Variants in L3MBTL4 observed in about 807,000 individuals in gnomAD.
L3MBTL4 encodes the protein lethal(3)malignant brain tumor-like protein 4.
L3MBTL4 carries 70 observed loss-of-function variants against 84.5 expected under a neutral mutation model. The observed-to-expected ratio is 0.83, with a 90% CI of 0.68 to 1.01. L3MBTL4 has a LOEUF of 1.01. L3MBTL4 is among the 50% of genes least tolerant of loss of function. The pLI, the probability that L3MBTL4 is intolerant of heterozygous loss-of-function variation, is 0.00. For missense variants in L3MBTL4, 715 were observed against 754.8 expected (o/e 0.95, Z 0.62); for synonymous variants, 274 against 259.8 (o/e 1.05, Z -0.52).
chr18:6,156,174 A>T lies in L3MBTL4; in HGVS notation c.1096+15654T>A, dbSNP rs368212319. ...TTTAACACTAAATACTAGTGCATGA[A>T]GTAGCCAAAATAGCCAGACATTGAC... is the stretch of plus-strand genomic sequence containing the variant. On this transcript the variant is annotated intron_variant, in intron 13 of 18. Transcript: ENST00000317931. 1.2e-3 allele frequency among the ~76,000 whole-genome samples: 188 copies of T among 152,318 alleles called. No homozygotes were observed. The South Asian group carries it at 0.013, about 10-fold the overall frequency.
At chr18:6,249,158 T>C (rs573383383) in intron 5 of L3MBTL4, among the ~76,000 whole-genome samples, 4 of 152,322 alleles carry the variant, frequency 2.6e-5, no homozygotes, top group Admixed American at 1.3e-4. Context: ...TTGAAATTTC[T>C]CGGTTAACTT....
At chr18:6,265,070 A>C (rs2048572815) in intron 4 of L3MBTL4, among the ~76,000 whole-genome samples, 2 of 152,260 alleles carry the variant, frequency 1.3e-5, no homozygotes, top group Non-Finnish European at 2.9e-5. Context: ...TAGGAAAAAG[A>C]AGCAGTTAAG....
chr18:6,073,529 A>G (rs2057758113), intron 16 of L3MBTL4, among the ~76,000 whole-genome samples: 1 of 152,184 alleles, frequency 6.6e-6, no homozygotes, highest in Non-Finnish European at 1.5e-5. Context: ...GATAATGGAG[A>G]AAGAGGGAAT....
chr18:6,039,152 A>C (rs1598519678), intron 16 of L3MBTL4, among the ~76,000 whole-genome samples: 1 of 151,768 alleles, frequency 6.6e-6, no homozygotes, highest in Non-Finnish European at 1.5e-5. Context: ...AATCAAACCT[A>C]CCCTCCCCAA....
chr18:6,372,023 A>G (rs181849626), intron 1 of L3MBTL4, among the ~76,000 whole-genome samples: 1 of 152,286 alleles, frequency 6.6e-6, no homozygotes, highest in African/African-American at 2.4e-5. Flanking sequence ...GCCCCTACAC[A>G]TCTTGTCAGG....
chr18:6,194,917 G>A (rs773201550), intron 12 of L3MBTL4, among the ~76,000 whole-genome samples: 3 of 152,228 alleles, frequency 2.0e-5, no homozygotes. Flanking sequence ...GGAGGAGTCT[G>A]CTCAAAACAG....
chr18:6,134,703 G>A (rs1169678704), intron 14 of L3MBTL4, among the ~76,000 whole-genome samples: 2 of 152,214 alleles, frequency 1.3e-5, no homozygotes, highest in Non-Finnish European at 2.9e-5. Flanking sequence ...TGCAACAGGT[G>A]GGTTCCTATG....
chr18:6,176,283 C>CTGAT (rs1221699909), intron 12 of L3MBTL4, among the ~76,000 whole-genome samples: 1 of 152,128 alleles, frequency 6.6e-6, no homozygotes, highest in African/African-American at 2.4e-5. Flanking sequence ...AGTTGGAGAA[C>CTGAT]TGATACTATC....
intron 13 of L3MBTL4, 111 bp downstream of exon 13, chr18:6,171,717 G>A (rs948137592): frequency 5.1e-5 from 29 of 571,992 alleles, no homozygotes; most frequent in Admixed American, 3.4e-4. Context: ...TGATTAATTC[G>A]CCTATGTGAT....
At chr18:6,292,664 G>A (rs1029441900) in intron 4 of L3MBTL4, among the ~76,000 whole-genome samples, 14 of 152,174 alleles carry the variant, frequency 9.2e-5, no homozygotes, top group African/African-American at 3.4e-4. Flanking sequence ...AACAGGTTTT[G>A]ATCAAAAGGG....
At chr18:6,397,779 C>T (rs1467368513) in intron 1 of L3MBTL4, 2 of 152,234 alleles carry the variant, frequency 1.3e-5, no homozygotes, top group Non-Finnish European at 2.9e-5. Context: ...ACGCTTGAGC[C>T]CAGGAAGTCA....
At chr18:6,078,433 A>C (rs1285106047) in intron 16 of L3MBTL4, among the ~76,000 whole-genome samples, 3 of 148,678 alleles carry the variant, frequency 2.0e-5, no homozygotes, top group East Asian at 2.0e-4. Flanking sequence ...CCTCAAAAAA[A>C]AAAAACAAAA....
chr18:5,978,982 A>G (rs1444783359), intron 16 of L3MBTL4, among the ~76,000 whole-genome samples: 1 of 152,128 alleles, frequency 6.6e-6, no homozygotes, highest in Non-Finnish European at 1.5e-5. Context: ...GGCAGACACC[A>G]TATTCTATTT....
Position 6,377,393 on chromosome 18 carries a change from T to C in L3MBTL4, c.-91+37408A>G, listed in dbSNP as rs553504289. Among the ~76,000 whole-genome samples, 7 of 152,308 alleles carry C rather than the reference T, an allele frequency of 4.6e-5. No individual in the cohort carries two copies. In the South Asian group the frequency reaches 1.4e-3, roughly 32 times the overall value. On this transcript the variant is annotated intron_variant, in intron 1 of 18. Coordinates refer to ENST00000317931, the MANE Select transcript of L3MBTL4 (RefSeq NM_001330559.2). Reference sequence around the variant, plus strand: ...AAAGTGCAGTTTTATTACATAGGTATACACGTGCCATGGTGGTTTGCTGCA... The same window carrying C: ...AAAGTGCAGTTTTATTACATAGGTACACACGTGCCATGGTGGTTTGCTGCA...
intron 17 of L3MBTL4, among the ~76,000 whole-genome samples, chr18:5,961,069 G>A (rs2095261055): frequency 2.0e-5 from 3 of 152,214 alleles, no homozygotes; most frequent in African/African-American, 7.2e-5. Flanking sequence ...ATGTAATCTT[G>A]GGAGGTGATA....
intron 1 of L3MBTL4, among the ~76,000 whole-genome samples, chr18:6,358,910 A>G (rs2053560481): frequency 6.6e-6 from 1 of 152,192 alleles, no homozygotes; most frequent in Non-Finnish European, 1.5e-5. Context: ...CTATTTCTGC[A>G]TTGTTCCATA....
At chr18:6,129,488 G>A (rs1286253009) in intron 14 of L3MBTL4, among the ~76,000 whole-genome samples, 1 of 151,354 alleles carries the variant, frequency 6.6e-6, no homozygotes, top group Non-Finnish European at 1.5e-5. Flanking sequence ...ATAACTTTTT[G>A]AGTTGAAAGT....
At chr18:6,234,510 A>C (rs1165800173) in intron 10 of L3MBTL4, among the ~76,000 whole-genome samples, 2 of 152,246 alleles carry the variant, frequency 1.3e-5, no homozygotes, top group African/African-American at 2.4e-5. Flanking sequence ...GGCAAAGAAT[A>C]TGAACAGACA....
At chr18:6,210,423 G>T (rs1191770779) in intron 12 of L3MBTL4, among the ~76,000 whole-genome samples, 2 of 152,240 alleles carry the variant, frequency 1.3e-5, no homozygotes, top group African/African-American at 4.8e-5. Context: ...AGTAGGAAGA[G>T]TAGGAATGCT....
Sources: gnomAD v4.1 joint callset for allele counts (sites outside exome capture counted in the v4.1 genomes callset) on GRCh38, gnomAD v4.1.1 for gene constraint, MANE v1.5 for transcripts, NCBI Gene and HGNC (gene_info 2026-07-23, HGNC 2026-07-21) for gene names.